RALYL: variants seen among roughly 807,000 people sequenced by gnomAD.
RALYL encodes the protein RALY RNA binding protein like, also known as RNA-binding Raly-like protein.
RALYL carries 29 observed loss-of-function variants against 35.1 expected under a neutral mutation model. That is an observed-to-expected ratio of 0.83 (90% CI 0.61 to 1.13). The LOEUF (loss-of-function observed/expected upper bound fraction) is 1.13. Ranked by LOEUF, RALYL falls within the 50% of genes most tolerant of loss-of-function variation. The pLI, the probability that RALYL is intolerant of heterozygous loss-of-function variation, is 0.00. For synonymous variants in RALYL, 120 were observed against 127.6 expected (o/e 0.94, Z 0.40); for missense variants, 359 against 360.4 (o/e 1.00, Z 0.03).
intron 2 of RALYL, among the ~76,000 whole-genome samples, chr8:84,743,462 G>A (rs1243812894): frequency 6.6e-6 from 1 of 151,892 alleles, no homozygotes; most frequent in African/African-American, 2.4e-5. Flanking sequence ...GTCTCTTATG[G>A]AGACGCTGTC....
intron 5 of RALYL, among the ~76,000 whole-genome samples, chr8:84,855,914 A>G (rs1836869040): frequency 6.6e-6 from 1 of 152,196 alleles, no homozygotes; most frequent in South Asian, 2.1e-4. Context: ...CAATTCTGGA[A>G]CCATTTTGAC....
At chr8:84,563,334 G>A (rs1319779290) in intron 2 of RALYL, among the ~76,000 whole-genome samples, 1 of 151,950 alleles carries the variant, frequency 6.6e-6, no homozygotes, top group East Asian at 1.9e-4. Context: ...GCCATTAAGA[G>A]CATTGAGAAA....
chr8:84,330,731 T>C (rs926181921), intron 1 of RALYL, among the ~76,000 whole-genome samples: 1 of 152,082 alleles, frequency 6.6e-6, no homozygotes, highest in Admixed American at 6.6e-5. Context: ...TCACTTCCTT[T>C]GTCCAGCTTT....
chr8:84,639,648 G>A (rs757581861), intron 2 of RALYL, among the ~76,000 whole-genome samples: 5 of 151,898 alleles, frequency 3.3e-5, no homozygotes, highest in Non-Finnish European at 7.4e-5. Flanking sequence ...ACCAGAGGCA[G>A]TGCTGATGGC....
intron 2 of RALYL, among the ~76,000 whole-genome samples, chr8:84,685,203 A>C (rs985567767): frequency 2.6e-5 from 4 of 152,126 alleles, no homozygotes; most frequent in African/African-American, 7.2e-5. Context: ...AACAGGGGAG[A>C]AGGAAAGAAA....
intron 2 of RALYL, among the ~76,000 whole-genome samples, chr8:84,731,413 G>A (rs1174542243): frequency 6.6e-6 from 1 of 152,064 alleles, no homozygotes; most frequent in Non-Finnish European, 1.5e-5. Flanking sequence ...CTCTATTTTG[G>A]GGTACAGAGA....
chr8:84,457,765 A>AT (rs1049483952), intron 1 of RALYL, among the ~76,000 whole-genome samples: 3 of 151,874 alleles, frequency 2.0e-5, no homozygotes, highest in African/African-American at 7.2e-5. Context: ...ATGAACTTGA[A>AT]TTACCCTTTT....
rs532513897 is a variant in RALYL at position 84,633,271 on chromosome 8, ACAGGCTGATAACACC to A, written c.256+103698_256+103712del. Among the ~76,000 whole-genome samples, 62 of 152,016 alleles carry A rather than the reference ACAGGCTGATAACACC, an allele frequency of 4.1e-4. No individual in the cohort carries two copies. The South Asian group carries it at 0.013, about 31-fold the overall frequency. On this transcript the variant is annotated intron_variant, in intron 2 of 8. Transcript: ENST00000521268. ...ATAGAGTTTATAGCTAGATGAGATT[ACAGGCTGATAACACC>A]CAGATAGAGTTTGGACAGTAGGAGA... is the stretch of plus-strand genomic sequence containing the variant.
At chr8:84,755,629 G>A (rs16913216) in intron 2 of RALYL, among the ~76,000 whole-genome samples, 5,629 of 152,124 alleles carry the variant, frequency 0.037, 405 homozygotes, top group East Asian at 0.23. Context: ...TGCTGTGTCT[G>A]TATAAAAGTG....
chr8:84,698,167 C>A (rs914830274), intron 2 of RALYL, among the ~76,000 whole-genome samples: 2 of 152,060 alleles, frequency 1.3e-5, no homozygotes, highest in African/African-American at 4.8e-5. Context: ...GGCCCTTGAA[C>A]CTCGGTTCCC....
At chr8:84,604,242 T>C (rs1440574013) in intron 2 of RALYL, among the ~76,000 whole-genome samples, 1 of 152,134 alleles carries the variant, frequency 6.6e-6, no homozygotes, top group African/African-American at 2.4e-5. Context: ...TTAGGTTGCT[T>C]GTAAGCCGTG....
At chr8:84,794,771 G>A (rs772210857) in intron 3 of RALYL, among the ~76,000 whole-genome samples, 20 of 152,118 alleles carry the variant, frequency 1.3e-4, no homozygotes, top group Non-Finnish European at 2.5e-4. Context: ...ATCTGCCAGT[G>A]GTTAATGATC....
chr8:84,651,069 T>C (rs1828698847), intron 2 of RALYL, among the ~76,000 whole-genome samples: 1 of 151,582 alleles, frequency 6.6e-6, no homozygotes, highest in Non-Finnish European at 1.5e-5. Context: ...TGGGGACTGT[T>C]GTGGGGTGGG....
At chr8:84,858,896 A>G (rs1837565676) in intron 5 of RALYL, among the ~76,000 whole-genome samples, 1 of 152,184 alleles carries the variant, frequency 6.6e-6, no homozygotes, top group Admixed American at 6.5e-5. Flanking sequence ...GCCCAATGAA[A>G]ATTAAGAAAG....
At chr8:84,633,357 G>A (rs1009929654) in intron 2 of RALYL, among the ~76,000 whole-genome samples, 8 of 151,500 alleles carry the variant, frequency 5.3e-5, no homozygotes, top group African/African-American at 9.7e-5. Context: ...CTGGCTCTCC[G>A]CTACTTCCTT....
intron 4 of RALYL, among the ~76,000 whole-genome samples, chr8:84,832,274 A>G (rs1373446544): frequency 6.6e-6 from 1 of 151,984 alleles, no homozygotes; most frequent in Non-Finnish European, 1.5e-5. Context: ...ATCTCTTTTA[A>G]TTTGTTTTTG....
intron 1 of RALYL, among the ~76,000 whole-genome samples, chr8:84,189,082 G>A (rs576086498): frequency 2.3e-4 from 35 of 152,178 alleles, no homozygotes; most frequent in Middle Eastern, 3.4e-3. Flanking sequence ...GGCTGTCCTT[G>A]CAGACTCCTC....
intron 2 of RALYL, among the ~76,000 whole-genome samples, chr8:84,606,289 T>A (rs993288162): frequency 6.6e-6 from 1 of 152,092 alleles, no homozygotes; most frequent in African/African-American, 2.4e-5. Flanking sequence ...TCTTCAATCA[T>A]AGGAAATTGA....
intron 1 of RALYL, among the ~76,000 whole-genome samples, chr8:84,427,925 T>G (rs1316688546): frequency 6.6e-6 from 1 of 152,216 alleles, no homozygotes; most frequent in African/African-American, 2.4e-5. Flanking sequence ...ACTGCCTGGA[T>G]AGAGGAGGCA....
Sources: gnomAD v4.1 joint callset for allele counts (sites outside exome capture counted in the v4.1 genomes callset) on GRCh38, gnomAD v4.1.1 for gene constraint, MANE v1.5 for transcripts, NCBI Gene and HGNC (gene_info 2026-07-23, HGNC 2026-07-21) for gene names.